Variants in MCC observed in about 807,000 individuals in gnomAD.
The protein encoded by MCC is colorectal mutant cancer protein.
Under a neutral mutation model 116.2 loss-of-function variants are expected in MCC, and 90 were observed. The ratio of observed to expected loss-of-function variants is 0.77; its 90% CI spans 0.65 to 0.92. The LOEUF (loss-of-function observed/expected upper bound fraction) is 0.92. Ranked by LOEUF, MCC falls within the 40% of genes least tolerant of loss-of-function variation. MCC has a pLI of 0.00. For synonymous variants in MCC, 578 were observed against 510.5 expected, an observed-to-expected ratio of 1.13 and a Z score of -1.78; for missense variants, 1,516 against 1,312.2, an observed-to-expected ratio of 1.16 and a Z score of -2.40.
intron 2 of MCC, among the ~76,000 whole-genome samples, chr5:113,350,255 A>G (rs967031753): frequency 6.6e-6 from 1 of 152,170 alleles, no homozygotes; most frequent in Non-Finnish European, 1.5e-5. Context: ...AGGAGCAAAG[A>G]GAACAAAACT....
At chr5:113,089,433 G>T (rs1755441305) in intron 8 of MCC, among the ~76,000 whole-genome samples, 2 of 152,228 alleles carry the variant, frequency 1.3e-5, no homozygotes, top group Non-Finnish European at 2.9e-5. Context: ...GATTAGAGGA[G>T]AAAATGGACT....
intron 1 of MCC, among the ~76,000 whole-genome samples, chr5:113,416,941 C>T (rs2150405365): frequency 6.7e-6 from 1 of 148,306 alleles, no homozygotes; most frequent in African/African-American, 2.5e-5. Flanking sequence ...ACATATTGGT[C>T]ATTGCTGTTT....
At chr5:113,475,754 T>C (rs1772219704) in intron 1 of MCC, among the ~76,000 whole-genome samples, 1 of 152,140 alleles carries the variant, frequency 6.6e-6, no homozygotes, top group Non-Finnish European at 1.5e-5. Context: ...AAGGCAGTTA[T>C]AAAATGAAAA....
Position 113,193,725 on chromosome 5 carries a change from A to T in MCC, c.628-42303T>A, listed in dbSNP as rs151212965. ...CCGCTTCATAGCCTGGGATCCACTC[A>T]TCCAGAGTTTATGCTATTCATTCAC... On this transcript the variant is annotated intron_variant, in intron 3 of 18. Transcript: ENST00000408903. Among the ~76,000 whole-genome samples the T allele has an allele frequency of 7.2e-4, 109 of 152,324 alleles. No homozygotes were observed. The East Asian group carries it at 0.012, about 17-fold the overall frequency.
intron 3 of MCC, among the ~76,000 whole-genome samples, chr5:113,237,201 T>C (rs2150337293): frequency 6.6e-6 from 1 of 152,354 alleles, no homozygotes; most frequent in East Asian, 1.9e-4. Flanking sequence ...ATGGTTTATA[T>C]GTAAGTTAAA....
chr5:113,391,119 C>T (rs1004273230), intron 1 of MCC, among the ~76,000 whole-genome samples: 3 of 151,970 alleles, frequency 2.0e-5, no homozygotes, highest in Non-Finnish European at 4.4e-5. Flanking sequence ...AAGTACAAAA[C>T]AATAAGCAAA....
At chr5:113,475,549 C>T (rs1772214780) in intron 1 of MCC, among the ~76,000 whole-genome samples, 1 of 152,100 alleles carries the variant, frequency 6.6e-6, no homozygotes, top group African/African-American at 2.4e-5. Context: ...TTTGAAATGA[C>T]AATGAGAAGC....
intron 3 of MCC, among the ~76,000 whole-genome samples, chr5:113,280,519 C>T (rs533094005): frequency 6.6e-6 from 1 of 152,166 alleles, no homozygotes; most frequent in East Asian, 1.9e-4. Flanking sequence ...AATTCTAAGT[C>T]GTAAGTCAGA....
At chr5:113,085,684 C>T (rs1298206843) in intron 8 of MCC, among the ~76,000 whole-genome samples, 2 of 151,986 alleles carry the variant, frequency 1.3e-5, no homozygotes, top group Non-Finnish European at 2.9e-5. Flanking sequence ...GGATGGATGA[C>T]CATCTTTTTT....
rs1211109911 is a variant in MCC at position 113,303,003 on chromosome 5, A to T, written c.627+37516T>A. Among the ~76,000 whole-genome samples the T allele has an allele frequency of 2.0e-5, 3 of 152,338 alleles. 1 individual carries two copies. In the South Asian group the frequency reaches 6.2e-4, roughly 32 times the overall value. On this transcript the variant is annotated intron_variant, in intron 3 of 18. Coordinates refer to ENST00000408903, the MANE Select transcript of MCC (RefSeq NM_001085377.2). ...GGTAAAACTGACCAGGATTCAGTGA[A>T]TGATTGGATACAGGTAATGAGAGAA...
intron 12 of MCC, among the ~76,000 whole-genome samples, chr5:113,070,382 C>G (rs1393181193): frequency 6.6e-6 from 1 of 151,862 alleles, no homozygotes; most frequent in Non-Finnish European, 1.5e-5. Context: ...AGATAAATTT[C>G]AAAGTGATGA....
In MCC at chr5:113,022,960, A is replaced by T. The variant is rs1217329194; in HGVS notation, c.*4342T>A. On this transcript the variant is annotated 3_prime_UTR_variant, in exon 19 of 19. Transcript: ENST00000408903. ...CAGTGTAACCTTTAAGCAAAAATGT[A>T]TGGTGATCTGCATGTGAAACTGTCT... is the stretch of plus-strand genomic sequence containing the variant. 4 of 152,358 alleles carry T rather than the reference A, an allele frequency of 2.6e-5. No homozygotes were observed. Among genetic ancestry groups the T allele is most frequent in the East Asian group, 1.9e-4 (1 of 5,196 alleles). The allele number at this position is 152,358 out of a possible 1,614,324, so 9.4% of individuals were successfully genotyped here. A position where few individuals can be genotyped will look rare whatever the true frequency, so the allele number is the denominator to read the frequency against.
chr5:113,359,869 C>T (rs1182279064), intron 2 of MCC, among the ~76,000 whole-genome samples: 2 of 152,118 alleles, frequency 1.3e-5, no homozygotes, highest in African/African-American at 4.8e-5. Context: ...ATCCATGGTC[C>T]ATATGAGTTT....
rs753988197 is a variant in MCC, at chr5:113,082,929, TAG to T, written c.1713_1714del (p.Tyr572LeufsTer12). The T allele has an allele frequency of 5.6e-6, 9 of 1,614,034 alleles. No homozygotes were observed. Among genetic ancestry groups the T allele is most frequent in the African/African-American group, 5.3e-5 (4 of 74,906 alleles). On this transcript the variant is annotated frameshift_variant, in exon 11 of 19. Transcript: ENST00000408903. LOFTEE classifies it high-confidence loss of function. ...TTCTGAGATGGCAGATCCGTGTGAG[TAG>T]AGTGTTTGGAAAATCTCTTGGATAT...
intron 3 of MCC, among the ~76,000 whole-genome samples, chr5:113,334,200 T>A (rs1188175496): frequency 6.7e-6 from 1 of 148,698 alleles, no homozygotes; most frequent in Non-Finnish European, 1.5e-5. Flanking sequence ...ATATATATTA[T>A]ATATATATTA....
intron 3 of MCC, among the ~76,000 whole-genome samples, chr5:113,160,742 A>ACCT (rs1257400046): frequency 2.0e-5 from 3 of 152,274 alleles, no homozygotes; most frequent in Non-Finnish European, 4.4e-5. Context: ...GGGGATAGAC[A>ACCT]GGTATTCATT....
chr5:113,260,080 T>C (rs963506033), intron 3 of MCC, among the ~76,000 whole-genome samples: 3 of 151,602 alleles, frequency 2.0e-5, no homozygotes, highest in African/African-American at 7.3e-5. Context: ...CATTCAACTC[T>C]GGAAAAAAAA....
At chr5:113,403,742 A>G (rs1356458793) in intron 1 of MCC, among the ~76,000 whole-genome samples, 2 of 152,274 alleles carry the variant, frequency 1.3e-5, no homozygotes, top group Non-Finnish European at 2.9e-5. Context: ...CGGGATTGCC[A>G]TCAGGGAGCC....
intron 6 of MCC, among the ~76,000 whole-genome samples, chr5:113,115,070 C>T (rs1393353957): frequency 6.6e-6 from 1 of 151,872 alleles, no homozygotes; most frequent in Non-Finnish European, 1.5e-5. Context: ...AACACATGCC[C>T]TCTGGGGCTT....
Sources: gnomAD v4.1 joint callset for allele counts (sites outside exome capture counted in the v4.1 genomes callset) on GRCh38, gnomAD v4.1.1 for gene constraint, MANE v1.5 for transcripts, NCBI Gene and HGNC (gene_info 2026-07-23, HGNC 2026-07-21) for gene names.